Variants in NRG3 observed in about 807,000 individuals in gnomAD.
NRG3 encodes the protein neuregulin 3.
In NRG3, 31 loss-of-function variants were observed where a neutral mutation model predicts 66.9. That is an observed-to-expected ratio of 0.46 (90% CI 0.35 to 0.63). NRG3 has a LOEUF of 0.63. Among genes scored for constraint, NRG3 ranks in the 20% least tolerant of loss-of-function variants. NRG3 has a pLI of 0.00. For missense variants in NRG3, 910 were observed against 878.9 expected, an observed-to-expected ratio of 1.04 and a Z score of -0.45; for synonymous variants, 393 against 359.4, an observed-to-expected ratio of 1.09 and a Z score of -1.06.
intron 4 of NRG3, among the ~76,000 whole-genome samples, chr10:82,866,672 G>T (rs1484694891): frequency 6.6e-6 from 1 of 152,146 alleles, no homozygotes; most frequent in Non-Finnish European, 1.5e-5. Flanking sequence ...AGTTGTAGAA[G>T]GAAGTGAAAG....
At chr10:81,903,994 ATAT>A (rs199630106) in intron 1 of NRG3, among the ~76,000 whole-genome samples, 11,691 of 103,032 alleles carry the variant, frequency 0.11, 582 homozygotes, top group East Asian at 0.33. Flanking sequence ...ATATATATAT[ATAT>A]TTTTTTTTTT....
intron 4 of NRG3, among the ~76,000 whole-genome samples, chr10:82,929,932 A>C (rs1847399539): frequency 6.6e-6 from 1 of 152,084 alleles, no homozygotes; most frequent in Non-Finnish European, 1.5e-5. Flanking sequence ...TACAACACAA[A>C]GAGGGATTTT....
intron 1 of NRG3, among the ~76,000 whole-genome samples, chr10:82,001,887 C>A (rs935480792): frequency 2.0e-5 from 3 of 152,156 alleles, no homozygotes; most frequent in African/African-American, 7.2e-5. Context: ...AAGTTTCCTC[C>A]TCTGGTTTTA....
At chr10:82,843,201 G>A in intron 3 of NRG3, 1 of 449,854 alleles carries the variant, frequency 2.2e-6, no homozygotes, top group South Asian at 1.6e-5. Context: ...CACAACTCAT[G>A]TGGAAATTTG....
intron 1 of NRG3, among the ~76,000 whole-genome samples, chr10:82,312,008 C>T (rs138171240): frequency 6.6e-6 from 1 of 152,292 alleles, no homozygotes; most frequent in Non-Finnish European, 1.5e-5. Context: ...ATATATGACA[C>T]ATGATCTTCA....
At chr10:82,648,756 C>A (rs1421813919) in intron 2 of NRG3, among the ~76,000 whole-genome samples, 2 of 152,056 alleles carry the variant, frequency 1.3e-5, no homozygotes, top group Admixed American at 1.3e-4. Flanking sequence ...GTATTTTATT[C>A]TCTTTGAAGC....
rs574326597 is a variant in NRG3 at position 82,843,799 on chromosome 10, C to T, written c.1028-21612C>T. 7.8e-4 allele frequency among the ~76,000 whole-genome samples: 119 copies of T among 152,062 alleles called. 1 individual carries two copies. The highest frequency in any genetic ancestry group is 2.7e-3 in the African/African-American group (114 of 41,508). ...AAAAAGTAGCAATATTAATGAGCAG[C>T]GAGATGCAAGGGAAGGTTAATGGGA... is the stretch of plus-strand genomic sequence containing the variant. On this transcript the variant is annotated intron_variant, in intron 3 of 8. Coordinates refer to ENST00000372141, the MANE Select transcript of NRG3 (RefSeq NM_001010848.4).
At chr10:82,004,296 G>A (rs1325001338) in intron 1 of NRG3, among the ~76,000 whole-genome samples, 2 of 151,904 alleles carry the variant, frequency 1.3e-5, no homozygotes, top group Non-Finnish European at 2.9e-5. Context: ...CGTGAATTAC[G>A]GTTTTAAAAT....
chr10:82,045,365 C>A (rs1348736865), intron 1 of NRG3, among the ~76,000 whole-genome samples: 925 of 91,756 alleles, frequency 0.01, 12 homozygotes, highest in African/African-American at 0.029. Context: ...TAAATGTCTT[C>A]TTTTGAGAAG....
chr10:82,102,113 CATAT>C lies in NRG3; in HGVS notation c.823+225959_823+225962del, dbSNP rs768945621. Among the ~76,000 whole-genome samples the C allele has an allele frequency of 1.2e-3, 106 of 86,008 alleles. 14 individuals carry two copies. In the East Asian group the frequency reaches 0.052, roughly 42 times the overall value. 56.4% of individuals were successfully genotyped at this position (86,008 alleles called of 152,430 possible). ...GTATTCATATATATATATGTGTATT[CATAT>C]ATATATATGTGTATTCATATATATA... On this transcript the variant is annotated intron_variant, in intron 1 of 8. Coordinates refer to ENST00000372141, the MANE Select transcript of NRG3 (RefSeq NM_001010848.4).
At chr10:81,973,947 A>C (rs1363102099) in intron 1 of NRG3, among the ~76,000 whole-genome samples, 1 of 152,058 alleles carries the variant, frequency 6.6e-6, no homozygotes, top group African/African-American at 2.4e-5. Context: ...TTGTGTTGCA[A>C]TTGCTTTTGG....
At chr10:82,837,490 A>T (rs1314202240) in intron 3 of NRG3, among the ~76,000 whole-genome samples, 3 of 152,164 alleles carry the variant, frequency 2.0e-5, no homozygotes, top group Admixed American at 2.0e-4. Flanking sequence ...CTGATAAGAA[A>T]TGGCATATAA....
chr10:82,582,653 C>T (rs927254456), intron 2 of NRG3, among the ~76,000 whole-genome samples: 2 of 141,820 alleles, frequency 1.4e-5, no homozygotes, highest in African/African-American at 5.3e-5. Context: ...GGAAAAATAT[C>T]TATATGTGTT....
intron 1 of NRG3, among the ~76,000 whole-genome samples, chr10:81,926,668 T>C (rs576629731): frequency 1.3e-5 from 2 of 152,192 alleles, no homozygotes; most frequent in Non-Finnish European, 2.9e-5. Flanking sequence ...GTCCTACTTA[T>C]TAACCCTGCC....
chr10:82,095,606 G>T (rs1180942255), intron 1 of NRG3, among the ~76,000 whole-genome samples: 1 of 152,166 alleles, frequency 6.6e-6, no homozygotes, highest in Non-Finnish European at 1.5e-5. Flanking sequence ...GAAGTGAAGT[G>T]AAATCAGTGA....
At chr10:82,934,601 G>A (rs144733559) in intron 4 of NRG3, among the ~76,000 whole-genome samples, 3 of 152,282 alleles carry the variant, frequency 2.0e-5, no homozygotes, top group Non-Finnish European at 2.9e-5. Flanking sequence ...ATCACCAAAC[G>A]CCTGTTGGTG....
rs969331888 is a variant in NRG3, at chr10:82,873,880, A to G, written c.1054+8443A>G. ...TTAGGATAGCATAATATATTTATGC[A>G]AAGTATTGTTTGAGCAAATTCTGGT... On this transcript the variant is annotated intron_variant, in intron 4 of 8. Transcript: ENST00000372141. Among the ~76,000 whole-genome samples the G allele has an allele frequency of 3.9e-5, 6 of 152,262 alleles. No individual in the cohort carries two copies. In the East Asian group the frequency reaches 1.2e-3, roughly 29 times the overall value.
At chr10:82,256,446 C>T (rs1263848643) in intron 1 of NRG3, among the ~76,000 whole-genome samples, 1 of 152,132 alleles carries the variant, frequency 6.6e-6, no homozygotes, top group African/African-American at 2.4e-5. Flanking sequence ...TCACTGCCCT[C>T]TTCAGGTGTC....
At chr10:82,766,190 A>G (rs1445146045) in intron 3 of NRG3, among the ~76,000 whole-genome samples, 1 of 152,202 alleles carries the variant, frequency 6.6e-6, no homozygotes, top group African/African-American at 2.4e-5. Context: ...GGAATGAACC[A>G]TAATTTACTT....
Sources: gnomAD v4.1 joint callset for allele counts (sites outside exome capture counted in the v4.1 genomes callset) on GRCh38, gnomAD v4.1.1 for gene constraint, MANE v1.5 for transcripts, NCBI Gene and HGNC (gene_info 2026-07-23, HGNC 2026-07-21) for gene names.